NRXN3: variants seen among roughly 807,000 people sequenced by gnomAD.
The protein encoded by NRXN3 is neurexin III.
In NRXN3, 32 loss-of-function variants were observed where a neutral mutation model predicts 137.6. The ratio of observed to expected loss-of-function variants is 0.23; its 90% confidence interval spans 0.18 to 0.31. NRXN3 has a LOEUF of 0.31. Ranked by LOEUF, NRXN3 falls within the 10% of genes least tolerant of loss-of-function variation. NRXN3 has a pLI of 1.00. For synonymous variants in NRXN3, 798 were observed against 784.5 expected, an observed-to-expected ratio of 1.02 and a Z score of -0.29; for missense variants, 1,574 against 2,062.5, an observed-to-expected ratio of 0.76 and a Z score of 4.59.
intron 19 of NRXN3, among the ~76,000 whole-genome samples, chr14:79,740,667 C>G (rs2098957799): frequency 7.3e-6 from 1 of 136,794 alleles, no homozygotes; most frequent in South Asian, 2.3e-4. Flanking sequence ...CTGCTAATGA[C>G]ACTTATTAAC....
intron 10 of NRXN3, among the ~76,000 whole-genome samples, chr14:78,865,712 G>A (rs2099085037): frequency 6.6e-6 from 1 of 151,480 alleles, no homozygotes; most frequent in Non-Finnish European, 1.5e-5. Flanking sequence ...CTGAAATTAG[G>A]TTCTTTTGGA....
chr14:78,924,204 G>C (rs189729545), intron 10 of NRXN3, among the ~76,000 whole-genome samples: 1 of 152,204 alleles, frequency 6.6e-6, no homozygotes, highest in Non-Finnish European at 1.5e-5. Context: ...AGCCGAGATC[G>C]TGCCATTGCA....
At chr14:79,559,949 T>C (rs2097473997) in intron 16 of NRXN3, among the ~76,000 whole-genome samples, 1 of 152,142 alleles carries the variant, frequency 6.6e-6, no homozygotes, top group Non-Finnish European at 1.5e-5. Context: ...CCCTGCTTTG[T>C]GGGACCTAAA....
chr14:78,862,340 A>G (rs1023661199), intron 10 of NRXN3, among the ~76,000 whole-genome samples: 2 of 152,242 alleles, frequency 1.3e-5, no homozygotes, highest in East Asian at 1.9e-4. Flanking sequence ...TAGATTGACT[A>G]GTAGAGAGTG....
chr14:78,443,173 G>A (rs2094312877), intron 4 of NRXN3, among the ~76,000 whole-genome samples: 1 of 152,242 alleles, frequency 6.6e-6, no homozygotes, highest in Non-Finnish European at 1.5e-5. Flanking sequence ...GCCTGAGCTA[G>A]GGATACCTGG....
At position 79,013,503 on chromosome 14, in the gene NRXN3, A is replaced by G. The variant is rs545265572; in HGVS notation, c.3262+25362A>G. On this transcript the variant is annotated intron_variant, in intron 15 of 20. Transcript: ENST00000335750. ...GACAATGCCCTCACAGGGGTTATTA[A>G]CTTCTCCCAGAGAAGCTTTTGTCTT... Among the ~76,000 whole-genome samples, 27 of 152,278 alleles carry G rather than the reference A, an allele frequency of 1.8e-4. No individual in the cohort carries two copies. In the South Asian group the frequency reaches 5.0e-3, roughly 28 times the overall value.
intron 10 of NRXN3, among the ~76,000 whole-genome samples, chr14:78,857,610 A>C (rs1045760531): frequency 5.3e-5 from 8 of 152,178 alleles, no homozygotes; most frequent in Admixed American, 3.9e-4. Flanking sequence ...AAGGGATATG[A>C]ATGTATGCTG....
At chr14:78,833,638 G>T (rs2098988372) in intron 10 of NRXN3, among the ~76,000 whole-genome samples, 1 of 152,114 alleles carries the variant, frequency 6.6e-6, no homozygotes, top group South Asian at 2.1e-4. Flanking sequence ...ATTTGAAAAA[G>T]ATTCAAAGAT....
chr14:79,235,933 T>C (rs2073279394), intron 15 of NRXN3, among the ~76,000 whole-genome samples: 1 of 152,162 alleles, frequency 6.6e-6, no homozygotes, highest in South Asian at 2.1e-4. Flanking sequence ...GAAGATCTTT[T>C]GATTCTGTAG....
intron 19 of NRXN3, among the ~76,000 whole-genome samples, chr14:79,790,547 A>T (rs2099141858): frequency 6.7e-6 from 1 of 150,292 alleles, no homozygotes; most frequent in Non-Finnish European, 1.5e-5. Flanking sequence ...GAGTTCAAGT[A>T]ATCCTCCCTC....
chr14:79,141,670 C>T (rs2058798527), intron 15 of NRXN3, among the ~76,000 whole-genome samples: 1 of 152,126 alleles, frequency 6.6e-6, no homozygotes, highest in Non-Finnish European at 1.5e-5. Flanking sequence ...GTTAGTTATT[C>T]TTGTTTTCTG....
At chr14:79,130,445 T>G (rs1220332906) in intron 15 of NRXN3, among the ~76,000 whole-genome samples, 1 of 152,060 alleles carries the variant, frequency 6.6e-6, no homozygotes, top group Non-Finnish European at 1.5e-5. Flanking sequence ...TGAAGCTTAG[T>G]TTGGCTGGAT....
intron 4 of NRXN3, among the ~76,000 whole-genome samples, chr14:78,564,859 G>A (rs563047157): frequency 2.0e-5 from 3 of 152,058 alleles, no homozygotes; most frequent in Non-Finnish European, 2.9e-5. Context: ...ACTAGATCTT[G>A]TCTTCATATT....
intron 16 of NRXN3, among the ~76,000 whole-genome samples, chr14:79,480,395 G>A (rs936807969): frequency 6.6e-6 from 1 of 152,134 alleles, no homozygotes; most frequent in Admixed American, 6.6e-5. Flanking sequence ...TTGGTGTGAC[G>A]TGTGAATGAC....
At chr14:78,502,261 C>T (rs1466728865) in intron 4 of NRXN3, among the ~76,000 whole-genome samples, 1 of 152,204 alleles carries the variant, frequency 6.6e-6, no homozygotes, top group Non-Finnish European at 1.5e-5. Flanking sequence ...TGTTGAGAGG[C>T]TCACTCAAGA....
intron 9 of NRXN3, among the ~76,000 whole-genome samples, chr14:78,804,032 A>G (rs908628268): frequency 6.6e-6 from 1 of 152,174 alleles, no homozygotes; most frequent in African/African-American, 2.4e-5. Context: ...GGTTTCTGAC[A>G]GTGGTGATTT....
intron 15 of NRXN3, among the ~76,000 whole-genome samples, chr14:79,414,280 C>T (rs2153520538): frequency 6.6e-6 from 1 of 152,210 alleles, no homozygotes; most frequent in African/African-American, 2.4e-5. Context: ...ATGACTCAAT[C>T]ATCCTAACAT....
At chr14:79,598,640 G>A (rs2097888316) in intron 16 of NRXN3, among the ~76,000 whole-genome samples, 1 of 152,208 alleles carries the variant, frequency 6.6e-6, no homozygotes, top group Non-Finnish European at 1.5e-5. Flanking sequence ...AGCCTAAGCA[G>A]AATCTCTTCT....
At chr14:78,940,056 C>T (rs1402130146) in intron 10 of NRXN3, among the ~76,000 whole-genome samples, 1 of 152,158 alleles carries the variant, frequency 6.6e-6, no homozygotes, top group Non-Finnish European at 1.5e-5. Flanking sequence ...GTTTTCAGTA[C>T]AGCAGGTTCT....
Sources: gnomAD v4.1 joint callset for allele counts (sites outside exome capture counted in the v4.1 genomes callset) on GRCh38, gnomAD v4.1.1 for gene constraint, MANE v1.5 for transcripts, NCBI Gene and HGNC (gene_info 2026-07-23, HGNC 2026-07-21) for gene names.